Variants in SLC15A1 observed in about 807,000 individuals in gnomAD.
SLC15A1 encodes Caco-2 oligopeptide transporter.
In SLC15A1, 83 loss-of-function variants were observed where a neutral mutation model predicts 92.9. The ratio of observed to expected loss-of-function variants is 0.89; its 90% CI spans 0.75 to 1.07. SLC15A1 has a LOEUF of 1.07. Among genes scored for constraint, SLC15A1 ranks in the 50% least tolerant of loss-of-function variants. SLC15A1 has a pLI of 0.00. For synonymous variants in SLC15A1, 322 were observed against 318.2 expected (o/e 1.01, Z -0.13); for missense variants, 857 against 880.1 (o/e 0.97, Z 0.33).
At chr13:98,743,092 G>A (rs2088462592) in intron 1 of SLC15A1, among the ~76,000 whole-genome samples, 1 of 152,166 alleles carries the variant, frequency 6.6e-6, no homozygotes. Context: ...CTCTTTTTGT[G>A]AGGACACTGC....
At chr13:98,708,380 T>C (rs2088132463) in intron 15 of SLC15A1, among the ~76,000 whole-genome samples, 1 of 152,236 alleles carries the variant, frequency 6.6e-6, no homozygotes. Flanking sequence ...TTGTAAGTGA[T>C]GAACTTCTTT....
At chr13:98,705,894 A>G (rs140215438) in intron 16 of SLC15A1, among the ~76,000 whole-genome samples, 2 of 15,518 alleles carry the variant, frequency 1.3e-4, no homozygotes, top group Non-Finnish European at 2.5e-4. Flanking sequence ...GACTCCATCT[A>G]AAAAAAAAAA....
intron 1 of SLC15A1, among the ~76,000 whole-genome samples, chr13:98,735,044 A>C (rs1304881587): frequency 1.3e-5 from 2 of 152,246 alleles, no homozygotes; most frequent in Non-Finnish European, 2.9e-5. Context: ...AGAGAATTTT[A>C]GACCAATATC....
chr13:98,730,465 T>TG (rs1471095250), intron 1 of SLC15A1, among the ~76,000 whole-genome samples: 1 of 152,168 alleles, frequency 6.6e-6, no homozygotes, highest in Non-Finnish European at 1.5e-5. Context: ...TGTCGTGGGA[T>TG]GGGGCTGCTT....
At chr13:98,686,587 C>T (rs2087931273) in intron 21 of SLC15A1, among the ~76,000 whole-genome samples, 1 of 152,156 alleles carries the variant, frequency 6.6e-6, no homozygotes, top group African/African-American at 2.4e-5. Context: ...GGAGAGCTTC[C>T]AAGCAAAGCC....
At position 98,721,598 on chromosome 13, in the gene SLC15A1, G is replaced by A; in HGVS notation, c.466-13C>T. On this transcript the variant is annotated splice_polypyrimidine_tract_variant and intron_variant, in intron 6 of 22. Transcript: ENST00000376503. Reference sequence around the variant, plus strand: ...TTCTTTGTTTCTCCTGCAATGAAAAGGAGAAAGTAAGATGACTTTGGCTAT... The same window carrying A: ...TTCTTTGTTTCTCCTGCAATGAAAAAGAGAAAGTAAGATGACTTTGGCTAT... 6.4e-7 allele frequency: 1 copy of A among 1,571,128 alleles called. No individual in the cohort carries two copies. The highest frequency in any genetic ancestry group is 8.7e-7 in the Non-Finnish European group (1 of 1,149,982).
At chr13:98,729,784 G>T (rs2088332380) in intron 1 of SLC15A1, among the ~76,000 whole-genome samples, 1 of 152,116 alleles carries the variant, frequency 6.6e-6, no homozygotes, top group South Asian at 2.1e-4. Context: ...CCCTGACCAC[G>T]GGGCCCTCCA....
At chr13:98,691,406 T>C (rs971616135) in intron 18 of SLC15A1, among the ~76,000 whole-genome samples, 3 of 152,242 alleles carry the variant, frequency 2.0e-5, no homozygotes, top group African/African-American at 7.2e-5. Context: ...CTGATGGACA[T>C]TGGATTTATT....
intron 10 of SLC15A1, among the ~76,000 whole-genome samples, chr13:98,712,296 A>G (rs2088170277): frequency 6.6e-6 from 1 of 152,200 alleles, no homozygotes; most frequent in South Asian, 2.1e-4. Context: ...AAAACTATGA[A>G]AAGGTAATAT....
chr13:98,742,280 C>T (rs2088454662), intron 1 of SLC15A1, among the ~76,000 whole-genome samples: 1 of 152,260 alleles, frequency 6.6e-6, no homozygotes, highest in Non-Finnish European at 1.5e-5. Context: ...GAGCCACCTC[C>T]TACCTGTCGC....
chr13:98,719,125 C>A, intron 8 of SLC15A1, 112 bp downstream of exon 8: 2 of 701,158 alleles, frequency 2.9e-6, no homozygotes, highest in Non-Finnish European at 5.0e-6. Context: ...CAATTCTTCT[C>A]ACTACTTTTT....
At chr13:98,688,001 G>A (rs2087943925) in intron 20 of SLC15A1, among the ~76,000 whole-genome samples, 1 of 152,222 alleles carries the variant, frequency 6.6e-6, no homozygotes, top group African/African-American at 2.4e-5. Context: ...CATGTTAATA[G>A]TCTAGAAGGA....
intron 7 of SLC15A1, 89 bp from the exon 8 acceptor site, chr13:98,719,409 G>A (rs1566452110): frequency 2.1e-5 from 19 of 921,024 alleles, no homozygotes; most frequent in East Asian, 7.4e-5. Flanking sequence ...TGATAATTAC[G>A]TATTGCTTTC....
At chr13:98,746,842 A>C (rs1163496262) in intron 1 of SLC15A1, among the ~76,000 whole-genome samples, 1 of 152,152 alleles carries the variant, frequency 6.6e-6, no homozygotes, top group Non-Finnish European at 1.5e-5. Flanking sequence ...AGCTTTGAGC[A>C]GTTTCCAGTC....
chr13:98,735,005 C>T (rs1383364002), intron 1 of SLC15A1, among the ~76,000 whole-genome samples: 1 of 152,188 alleles, frequency 6.6e-6, no homozygotes, highest in African/African-American at 2.4e-5. Flanking sequence ...CATCCTGATA[C>T]CAAAGTCTGG....
chr13:98,722,826 A>T (rs973268413), intron 5 of SLC15A1, among the ~76,000 whole-genome samples: 1 of 152,222 alleles, frequency 6.6e-6, no homozygotes, highest in Non-Finnish European at 1.5e-5. Flanking sequence ...AATATTATAT[A>T]CAATTTACTC....
At position 98,726,371 on chromosome 13, in the gene SLC15A1, G is replaced by T. The variant is rs747095693; in HGVS notation, c.100C>A (p.Arg34=). Residue 34 remains arginine (R), a synonymous_variant, in exon 3 of 23, where the codon CGA becomes AGA. Coordinates refer to ENST00000376503, the MANE Select transcript of SLC15A1 (RefSeq NM_005073.4). ...FCERFSYYGM[R]AILILYFTNF... ...GAGAAACGGCCAATACAGTTACCTC[G>T]CATTCCATAGTAGGAAAATCTTTCG... 6.2e-7 allele frequency: 1 copy of T among 1,614,040 alleles called. No homozygotes were observed. Among genetic ancestry groups the T allele is most frequent in the Non-Finnish European group, 8.5e-7 (1 of 1,179,956 alleles).
At chr13:98,746,440 T>A (rs1355560090) in intron 1 of SLC15A1, among the ~76,000 whole-genome samples, 2 of 152,204 alleles carry the variant, frequency 1.3e-5, no homozygotes, top group Non-Finnish European at 2.9e-5. Context: ...GTCACAATGC[T>A]TTTCACAATA....
At position 98,709,663 on chromosome 13, in the gene SLC15A1, G is replaced by A. The variant is rs1373649457; in HGVS notation, c.979-3C>T. The stretch of plus-strand genomic sequence containing the variant: ...ACGATCAGGATGGCGTTCACGGTCT[G>A]CAGAGGAAGTGGAGGAGAAATGTTA... On this transcript the variant is annotated splice_region_variant and splice_polypyrimidine_tract_variant and intron_variant, in intron 13 of 22. Transcript: ENST00000376503. The A allele has an allele frequency of 3.1e-6, 5 of 1,614,184 alleles. No homozygotes were observed.
Sources: gnomAD v4.1 joint callset for allele counts (sites outside exome capture counted in the v4.1 genomes callset) on GRCh38, gnomAD v4.1.1 for gene constraint, MANE v1.5 for transcripts, NCBI Gene and HGNC (gene_info 2026-07-23, HGNC 2026-07-21) for gene names.